The following PLD1 variants were observed in gnomAD, a reference collection of about 807,000 sequenced individuals.
PLD1 encodes choline phosphatase 1.
PLD1 carries 112 observed loss-of-function variants against 137.1 expected under a neutral mutation model. The ratio of observed to expected loss-of-function variants is 0.82; its 90% CI spans 0.70 to 0.96. The LOEUF is 0.96. Ranked by LOEUF, PLD1 falls within the 40% of genes least tolerant of loss-of-function variation. The probability of loss-of-function intolerance (pLI) is 0.00; values close to 1 mark genes in which losing one functional copy is unlikely to be tolerated. For missense variants in PLD1, 1,321 were observed against 1,342.0 expected (o/e 0.98, Z 0.24); for synonymous variants, 431 against 454.7 (o/e 0.95, Z 0.66).
chr3:171,780,617 G>C (rs1016178064), intron 1 of PLD1, among the ~76,000 whole-genome samples: 4 of 152,164 alleles, frequency 2.6e-5, no homozygotes, highest in Admixed American at 2.0e-4. Flanking sequence ...GGTGAAAAGA[G>C]TGCGTCAATG....
At chr3:171,749,734 A>G (rs1193906222) in intron 1 of PLD1, among the ~76,000 whole-genome samples, 1 of 152,242 alleles carries the variant, frequency 6.6e-6, no homozygotes, top group East Asian at 1.9e-4. Context: ...CAAACTTCAC[A>G]GCAATCACAG....
At chr3:171,804,640 A>G (rs943992912) in intron 1 of PLD1, among the ~76,000 whole-genome samples, 1 of 152,222 alleles carries the variant, frequency 6.6e-6, no homozygotes, top group Non-Finnish European at 1.5e-5. Flanking sequence ...AAATCCACCC[A>G]TGGAAAGTGG....
intron 1 of PLD1, among the ~76,000 whole-genome samples, chr3:171,738,946 G>A (rs1023215489): frequency 6.6e-6 from 1 of 152,150 alleles, no homozygotes; most frequent in Non-Finnish European, 1.5e-5. Flanking sequence ...GTTAAAACCA[G>A]GCCCTAGAAT....
chr3:171,769,996 A>G (rs370353111), intron 1 of PLD1, among the ~76,000 whole-genome samples: 1 of 152,204 alleles, frequency 6.6e-6, no homozygotes, highest in East Asian at 1.9e-4. Flanking sequence ...TAAAACACCA[A>G]ATTGAACTAC....
intron 23 of PLD1, among the ~76,000 whole-genome samples, chr3:171,626,949 A>G (rs1238986321): frequency 2.6e-5 from 4 of 152,360 alleles, no homozygotes; most frequent in African/African-American, 9.6e-5. Flanking sequence ...AACTACATCA[A>G]CTAACGAGCA....
chr3:171,714,406 G>A (rs1433083023), intron 8 of PLD1, among the ~76,000 whole-genome samples: 2 of 152,166 alleles, frequency 1.3e-5, no homozygotes, highest in East Asian at 3.8e-4. Flanking sequence ...GAATGCAAAT[G>A]GTAACTTCAT....
intron 1 of PLD1, among the ~76,000 whole-genome samples, chr3:171,785,302 A>AG (rs1456441427): frequency 1.3e-5 from 2 of 152,230 alleles, no homozygotes; most frequent in Non-Finnish European, 2.9e-5. Flanking sequence ...TCAAAAGTAC[A>AG]ATGAAATAGG....
chr3:171,739,299 A>G (rs1227979033), intron 1 of PLD1, among the ~76,000 whole-genome samples: 1 of 152,196 alleles, frequency 6.6e-6, no homozygotes, highest in Non-Finnish European at 1.5e-5. Context: ...CCTTATTATA[A>G]CTCAATGAGT....
At chr3:171,705,921 T>C (rs1159974376) in intron 11 of PLD1, among the ~76,000 whole-genome samples, 2 of 152,212 alleles carry the variant, frequency 1.3e-5, no homozygotes, top group Non-Finnish European at 2.9e-5. Flanking sequence ...ATGGTTTTTA[T>C]ATTTTTAAAG....
At chr3:171,769,299 A>G (rs1468653145) in intron 1 of PLD1, among the ~76,000 whole-genome samples, 1 of 152,248 alleles carries the variant, frequency 6.6e-6, no homozygotes, top group Non-Finnish European at 1.5e-5. Flanking sequence ...GTTTCATGTA[A>G]GCTTTTAAAG....
intron 25 of PLD1, among the ~76,000 whole-genome samples, chr3:171,608,012 C>G (rs746654207): frequency 6.6e-6 from 1 of 152,034 alleles, no homozygotes; most frequent in Non-Finnish European, 1.5e-5. Context: ...GGGAATGTTT[C>G]CTAATAAAAA....
In PLD1 at chr3:171,677,612, G is replaced by A. The variant is rs772300205; in HGVS notation, c.1950C>T (p.Cys650=). Residue 650 remains cysteine, a synonymous_variant, in exon 17 of 27, where the codon TGC becomes TGT. Transcript: ENST00000351298. ...GAACCCAGTCTTTGAAGACGAAATT[G>A]CAGTAGTCCTTTCCATGCCAGAATC... is the stretch of plus-strand genomic sequence containing the variant. ...ETRFWHGKDY[C]NFVFKDWVQL... is the part of the protein sequence containing the mutation. 4 of 1,613,882 alleles carry A rather than the reference G, an allele frequency of 2.5e-6. No homozygotes were observed. In the East Asian group the frequency reaches 8.9e-5, roughly 36 times the overall value.
chr3:171,762,004 T>A (rs1721429744), intron 1 of PLD1, among the ~76,000 whole-genome samples: 1 of 152,258 alleles, frequency 6.6e-6, no homozygotes, highest in Non-Finnish European at 1.5e-5. Flanking sequence ...TTATCAGCAT[T>A]CATTTGAACA....
rs1714686529 is a variant in PLD1 at position 171,687,438 on chromosome 3, G to T, written c.1686C>A (p.Leu562=). ...GGTGGTGCCTGTGGAGCTGCTTGTAGAGACTAAATTTGGAGAACTTTCTTG... is the reference window on the plus strand; with the variant it reads ...GGTGGTGCCTGTGGAGCTGCTTGTATAGACTAAATTTGGAGAACTTTCTTG... ...GKPRKFSKFS[L]YKQLHRHHLH... is the part of the protein sequence containing the mutation. The change falls in exon 15 of 27, where the codon CTC becomes CTA. Residue 562 remains leucine (L), a synonymous_variant. Transcript: ENST00000351298. The T allele has an allele frequency of 6.2e-7, 1 of 1,614,056 alleles. No individual in the cohort carries two copies. The highest frequency in any genetic ancestry group is 8.5e-7 in the Non-Finnish European group (1 of 1,180,032).
At chr3:171,734,828 A>G (rs762208719) in intron 5 of PLD1, 37 bp downstream of exon 5, 1 of 1,336,250 alleles carries the variant, frequency 7.5e-7, no homozygotes, top group Non-Finnish European at 1.1e-6. Flanking sequence ...GCACTGCAAA[A>G]TTAGGTTTAA....
intron 1 of PLD1, among the ~76,000 whole-genome samples, chr3:171,746,791 G>C (rs566842562): frequency 1.3e-5 from 2 of 152,214 alleles, no homozygotes; most frequent in Non-Finnish European, 2.9e-5. Flanking sequence ...TAAAATGGAC[G>C]AATCAGCAGA....
intron 21 of PLD1, among the ~76,000 whole-genome samples, chr3:171,654,617 G>A (rs536113779): frequency 2.4e-4 from 36 of 152,166 alleles, no homozygotes; most frequent in African/African-American, 7.9e-4. Flanking sequence ...GGATCAGTTG[G>A]TCCTATCTTT....
chr3:171,733,734 C>T (rs749043496), intron 5 of PLD1, among the ~76,000 whole-genome samples: 36 of 152,198 alleles, frequency 2.4e-4, no homozygotes, highest in Non-Finnish European at 4.1e-4. Flanking sequence ...TTTAACTTTC[C>T]ATATGCTTAG....
In PLD1 at chr3:171,699,753, G is replaced by GT; in HGVS notation, c.1218dup (p.Arg407ThrfsTer25). ...TCTGGGAAAGTACATACTGCTTTTC[G>GT]TTTAAGAATGCAGTCCAACCTCCAA... is the stretch of plus-strand genomic sequence containing the variant. On this transcript the variant is annotated frameshift_variant, in exon 12 of 27. Transcript: ENST00000351298. LOFTEE classifies it high-confidence loss of function. 1.2e-6 allele frequency: 2 copies of GT among 1,610,162 alleles called. No individual in the cohort carries two copies. The highest frequency in any genetic ancestry group is 1.7e-6 in the Non-Finnish European group (2 of 1,176,576).
Sources: allele counts gnomAD v4.1 joint callset (sites outside exome capture counted in the v4.1 genomes callset), GRCh38; gene constraint gnomAD v4.1.1; transcripts MANE v1.5; gene names NCBI Gene and HGNC (gene_info 2026-07-23, HGNC 2026-07-21).